The following ZDHHC5 variants were observed in gnomAD, a reference collection of about 807,000 sequenced individuals.
The protein encoded by ZDHHC5 is palmitoyltransferase ZDHHC5.
Under a neutral mutation model 70.0 loss-of-function variants are expected in ZDHHC5, and 22 were observed. The observed-to-expected ratio is 0.31, with a 90% CI of 0.22 to 0.45. ZDHHC5 has a LOEUF of 0.45. Among genes scored for constraint, ZDHHC5 ranks in the 20% least tolerant of loss-of-function variants. The probability of loss-of-function intolerance (pLI) is 1.00; values close to 1 mark genes in which losing one functional copy is unlikely to be tolerated. For missense variants in ZDHHC5, 746 were observed against 926.9 expected (o/e 0.80, Z 2.53); for synonymous variants, 313 against 347.8 (o/e 0.90, Z 1.11).
rs1245620373 is a variant in ZDHHC5, at chr11:57,699,294, G to A, written c.1858G>A (p.Gly620Arg). ...KPDGLRGRGVGSPEPGPTAPY... is the reference protein window; with the variant it reads ...KPDGLRGRGVRSPEPGPTAPY... Reference sequence around the variant, plus strand: ...AGATGGGCTAAGGGGCCGGGGAGTAGGGTCCCCTGAACCAGGCCCAACAGC... The same window carrying A: ...AGATGGGCTAAGGGGCCGGGGAGTAAGGTCCCCTGAACCAGGCCCAACAGC... Residue 620 changes from glycine to arginine, a missense_variant, in exon 11 of 12, where the codon GGG (glycine) becomes AGG (arginine). Gly to Arg is a moderately radical substitution (Grantham distance 125). This residue lies in a region of ZDHHC5 where 340 missense variants were observed against 350.1 expected (regional missense o/e 0.97). Coordinates refer to ENST00000287169, the MANE Select transcript of ZDHHC5 (RefSeq NM_015457.3). 1 of 1,614,122 alleles carries A rather than the reference G, an allele frequency of 6.2e-7. No individual in the cohort carries two copies. The highest frequency in any genetic ancestry group is 1.3e-5 in the African/African-American group (1 of 74,960).
chr11:57,680,827 A>G (rs944098127), intron 2 of ZDHHC5, among the ~76,000 whole-genome samples: 1 of 152,116 alleles, frequency 6.6e-6, no homozygotes, highest in Non-Finnish European at 1.5e-5. Flanking sequence ...ATGTATGGAG[A>G]CATCTTTTCT....
At chr11:57,696,664 G>T in intron 9 of ZDHHC5, 97 bp from the exon 10 acceptor site, 1 of 1,061,980 alleles carries the variant, frequency 9.4e-7, no homozygotes, top group South Asian at 1.4e-5. Context: ...CTATAATCGT[G>T]CCACTGCACT....
Position 57,688,504 on chromosome 11 carries a change from A to G in ZDHHC5, c.227-4A>G. The G allele has an allele frequency of 1.3e-6, 2 of 1,561,370 alleles. No homozygotes were observed. The highest frequency in any genetic ancestry group is 1.7e-6 in the Non-Finnish European group (2 of 1,149,726). On this transcript the variant is annotated splice_polypyrimidine_tract_variant and splice_region_variant and intron_variant, in intron 3 of 11. Transcript: ENST00000287169. ...TGTTTTTAATTGACTTTTCCTCTCT[A>G]CAGCTGAGGAGGATGAGGACAAGGA... is the stretch of plus-strand genomic sequence containing the variant.
intron 3 of ZDHHC5, among the ~76,000 whole-genome samples, chr11:57,683,195 A>G (rs752892967): frequency 2.0e-5 from 3 of 152,234 alleles, no homozygotes; most frequent in Non-Finnish European, 4.4e-5. Flanking sequence ...CCCAGAGCCA[A>G]ATTGTCAAGG....
intron 2 of ZDHHC5, among the ~76,000 whole-genome samples, chr11:57,677,511 TC>T (rs1194538095): frequency 3.3e-5 from 5 of 151,928 alleles, no homozygotes; most frequent in African/African-American, 1.2e-4. Context: ...GGCCTCAAAC[TC>T]CTGACTTCAG....
intron 2 of ZDHHC5, among the ~76,000 whole-genome samples, chr11:57,674,316 GTTT>G (rs34645509): frequency 7.1e-6 from 1 of 140,932 alleles, no homozygotes; most frequent in Non-Finnish European, 1.5e-5. Flanking sequence ...TTTTTCCTCA[GTTT>G]TTTTTTTTTT....
At chr11:57,691,822 C>A (rs1946288690) in intron 6 of ZDHHC5, among the ~76,000 whole-genome samples, 1 of 151,342 alleles carries the variant, frequency 6.6e-6, no homozygotes, top group African/African-American at 2.4e-5. Flanking sequence ...ATAGAGGCCA[C>A]TTCTTAGTTA....
Position 57,672,231 on chromosome 11 carries a change from T to C in ZDHHC5, c.-860T>C, listed in dbSNP as rs1475174228. 1 of 398,520 alleles carries C rather than the reference T, an allele frequency of 2.5e-6. No individual in the cohort carries two copies. Among genetic ancestry groups the C allele is most frequent in the African/African-American group, 2.1e-5 (1 of 48,648 alleles). 24.7% of individuals were successfully genotyped at this position (398,520 alleles called of 1,614,324 possible). On this transcript the variant is annotated 5_prime_UTR_variant, in exon 2 of 12. Coordinates refer to ENST00000287169, the MANE Select transcript of ZDHHC5 (RefSeq NM_015457.3). ...GGCTTCAAGGATTTTAAGTTTCCCT[T>C]TAGTTTTACATGAACTTTGTAGGAA...
intron 6 of ZDHHC5, among the ~76,000 whole-genome samples, 157 bp from the exon 7 acceptor site, chr11:57,692,454 C>T (rs981630018): frequency 6.6e-6 from 1 of 152,200 alleles, no homozygotes; most frequent in Non-Finnish European, 1.5e-5. Context: ...ACTGTAGATT[C>T]CCTGCTCTTA....
intron 2 of ZDHHC5, 106 bp from the exon 3 acceptor site, chr11:57,682,316 A>G (rs1266844542): frequency 2.8e-6 from 4 of 1,424,018 alleles, no homozygotes; most frequent in African/African-American, 1.5e-5. Flanking sequence ...TAAACCACAC[A>G]AGATTTATCT....
chr11:57,679,578 T>C (rs146823146), intron 2 of ZDHHC5, among the ~76,000 whole-genome samples: 232 of 152,314 alleles, frequency 1.5e-3, no homozygotes, highest in African/African-American at 5.3e-3. Flanking sequence ...TCAGCCAGCC[T>C]TCTGGGCTGT....
chr11:57,699,559 C>T (rs1946412755), intron 11 of ZDHHC5, 141 bp downstream of exon 11: 1 of 1,296,800 alleles, frequency 7.7e-7, no homozygotes, highest in Non-Finnish European at 1.0e-6. Flanking sequence ...CACTTTGACT[C>T]TACCTGCCTT....
At position 57,699,336 on chromosome 11, in the gene ZDHHC5, T is replaced by A. The variant is rs1159129880; in HGVS notation, c.1900T>A (p.Ser634Thr). Residue 634 changes from serine (S) to threonine (T), a missense_variant, in exon 11 of 12, where the codon TCG becomes ACG. Coordinates refer to ENST00000287169, the MANE Select transcript of ZDHHC5 (RefSeq NM_015457.3). ...PGPTAPYLGR[S>T]MSYSSQKAQP... is the part of the protein sequence containing the mutation. ...CCCAACAGCCCCATACCTGGGCCGA[T>A]CGATGTCTTACAGCAGCCAAAAAGC... is the stretch of plus-strand genomic sequence containing the variant. The A allele has an allele frequency of 6.2e-7, 1 of 1,612,858 alleles. No homozygotes were observed. The highest frequency in any genetic ancestry group is 2.2e-5 in the East Asian group (1 of 44,856).
chr11:57,694,284 G>A (rs892954153), intron 8 of ZDHHC5, among the ~76,000 whole-genome samples: 1 of 151,876 alleles, frequency 6.6e-6, no homozygotes, highest in African/African-American at 2.4e-5. Context: ...GAGCCACCAC[G>A]CCTGGCCCAT....
Position 57,698,687 on chromosome 11 carries a change from C to G in ZDHHC5, c.1251C>G (p.His417Gln). The G allele has an allele frequency of 6.2e-7, 1 of 1,614,218 alleles. No homozygotes were observed. The highest frequency in any genetic ancestry group is 1.3e-5 in the African/African-American group (1 of 75,054). Residue 417 changes from histidine (H) to glutamine (Q), a missense_variant, in exon 11 of 12, where the codon CAC (histidine) becomes CAG (glutamine). This residue lies in a region of ZDHHC5 where 179 missense variants were observed against 178.4 expected (regional missense o/e 1.00). Coordinates refer to ENST00000287169, the MANE Select transcript of ZDHHC5 (RefSeq NM_015457.3). ...CTCCTACCTTTGGCAAAAGTTTTCA[C>G]TTCGATCCACTATCCAGTGGCTCAC... ...FRSPTFGKSF[H>Q]FDPLSSGSRS...
chr11:57,679,269 C>T lies in ZDHHC5; in HGVS notation c.105-3153C>T, dbSNP rs183693067. Reference sequence around the variant, plus strand: ...CTCTGCCCCCCGGGTTCAAGTGATTCTCTTGCCTCAGCCTCCCGAGTAGCT... The same window carrying T: ...CTCTGCCCCCCGGGTTCAAGTGATTTTCTTGCCTCAGCCTCCCGAGTAGCT... On this transcript the variant is annotated intron_variant, in intron 2 of 11. Coordinates refer to ENST00000287169, the MANE Select transcript of ZDHHC5 (RefSeq NM_015457.3). Among the ~76,000 whole-genome samples, 51 of 152,292 alleles carry T rather than the reference C, an allele frequency of 3.3e-4. No homozygotes were observed. The East Asian group carries it at 9.5e-3, about 28-fold the overall frequency.
intron 10 of ZDHHC5, among the ~76,000 whole-genome samples, chr11:57,698,177 AAG>A (rs1238389132): frequency 1.0e-3 from 154 of 151,450 alleles, no homozygotes; most frequent in African/African-American, 3.7e-3. Flanking sequence ...ACGGGAAAAA[AAG>A]AAGATTAGGG....
Position 57,699,971 on chromosome 11 carries a change from G to T in ZDHHC5, c.2088G>T (p.Thr696=). 4 of 1,613,484 alleles carry T rather than the reference G, an allele frequency of 2.5e-6. No individual in the cohort carries two copies. Among genetic ancestry groups the T allele is most frequent in the Non-Finnish European group, 2.5e-6 (3 of 1,179,746 alleles). ...GCCAGCCACCTCTCAGTAGCCCCACGAGGGGAGGAGTCAAGAAGGTGTCAG... is the reference window on the plus strand; with the variant it reads ...GCCAGCCACCTCTCAGTAGCCCCACTAGGGGAGGAGTCAAGAAGGTGTCAG... ...GPGQPPLSSP[T]RGGVKKVSGV... Residue 696 remains threonine (T), a synonymous_variant, in exon 12 of 12, where the codon ACG becomes ACT. Coordinates refer to ENST00000287169, the MANE Select transcript of ZDHHC5 (RefSeq NM_015457.3).
At chr11:57,688,004 C>T (rs1425927621) in intron 3 of ZDHHC5, among the ~76,000 whole-genome samples, 1 of 151,932 alleles carries the variant, frequency 6.6e-6, no homozygotes, top group Non-Finnish European at 1.5e-5. Flanking sequence ...CTCCTGAGCT[C>T]AGGCAATCCG....
Sources: gnomAD v4.1 joint callset for allele counts (sites outside exome capture counted in the v4.1 genomes callset) on GRCh38, gnomAD v4.1.1 for gene constraint, gnomAD v4.1.1 regional missense constraint, MANE v1.5 for transcripts, NCBI Gene and HGNC (gene_info 2026-07-23, HGNC 2026-07-21) for gene names.